The following ZBTB7C variants were observed in gnomAD, a reference collection of about 807,000 sequenced individuals.
ZBTB7C encodes the protein zinc finger and BTB domain-containing protein 7C.
A neutral mutation model predicts 25.7 loss-of-function variants in ZBTB7C; 8 were observed. The ratio of observed to expected loss-of-function variants is 0.31; its 90% CI spans 0.18 to 0.56. The LOEUF (loss-of-function observed/expected upper bound fraction) is 0.56, where lower values mean the gene tolerates loss of function less well. Ranked by LOEUF, ZBTB7C falls within the 20% of genes least tolerant of loss-of-function variation. ZBTB7C has a pLI of 0.91. For missense variants in ZBTB7C, 824 were observed against 855.2 expected, an observed-to-expected ratio of 0.96 and a Z score of 0.46; for synonymous variants, 394 against 369.0, an observed-to-expected ratio of 1.07 and a Z score of -0.78.
chr18:48,285,029 T>C (rs77376819), intron 2 of ZBTB7C, among the ~76,000 whole-genome samples: 7,584 of 152,320 alleles, frequency 0.05, 239 homozygotes, highest in Non-Finnish European at 0.071. Flanking sequence ...GTTGATTATT[T>C]GACACTTGCT....
Position 48,141,141 on chromosome 18 carries a change from GCAC to G in ZBTB7C, c.-17+44790_-17+44792del, listed in dbSNP as rs2040332481. ...GCAATCACAGATAGGCATCCCCCCC[GCAC>G]CACCCCCCCCACTGTTCCTTCTCCT... On this transcript the variant is annotated intron_variant, in intron 3 of 4. Transcript: ENST00000590800. Among the ~76,000 whole-genome samples, 82 of 88,330 alleles carry G rather than the reference GCAC, an allele frequency of 9.3e-4. 3 individuals carry two copies. In the East Asian group the frequency reaches 0.022, roughly 23 times the overall value. The allele number at this position is 88,330 out of a possible 152,430, so 57.9% of individuals were successfully genotyped here. A position where few individuals can be genotyped will look rare whatever the true frequency, so the allele number is the denominator to read the frequency against.
chr18:48,155,838 C>A (rs139405138), intron 3 of ZBTB7C, among the ~76,000 whole-genome samples: 119 of 152,238 alleles, frequency 7.8e-4, no homozygotes, highest in Middle Eastern at 3.4e-3. Flanking sequence ...ACTAGAAAAA[C>A]CAGATTTTTA....
intron 3 of ZBTB7C, among the ~76,000 whole-genome samples, chr18:48,094,130 C>T (rs1156422331): frequency 6.6e-6 from 1 of 152,170 alleles, no homozygotes; most frequent in East Asian, 1.9e-4. Flanking sequence ...ATTTAAATGG[C>T]CATTGCACTT....
chr18:48,349,516 G>T (rs573706451), intron 1 of ZBTB7C, among the ~76,000 whole-genome samples: 1 of 152,334 alleles, frequency 6.6e-6, no homozygotes, highest in South Asian at 2.1e-4. Context: ...GTGTGGTCTT[G>T]TGAGAGGAGG....
At chr18:48,098,687 G>A (rs563663449) in intron 3 of ZBTB7C, among the ~76,000 whole-genome samples, 1 of 152,162 alleles carries the variant, frequency 6.6e-6, no homozygotes, top group Non-Finnish European at 1.5e-5. Flanking sequence ...GCCTGTGATC[G>A]GGCATAAACC....
intron 2 of ZBTB7C, among the ~76,000 whole-genome samples, chr18:48,333,980 C>A (rs2046399992): frequency 1.3e-5 from 2 of 152,174 alleles, no homozygotes; most frequent in African/African-American, 2.4e-5. Flanking sequence ...CCACCTGCAC[C>A]TCCTGATCCT....
chr18:48,376,542 G>T (rs185417859), intron 1 of ZBTB7C, among the ~76,000 whole-genome samples: 2 of 152,188 alleles, frequency 1.3e-5, no homozygotes, highest in Admixed American at 6.5e-5. Context: ...TCACTCAGCC[G>T]GTGACATTCT....
intron 2 of ZBTB7C, among the ~76,000 whole-genome samples, chr18:48,221,534 TCTC>T (rs2042957632): frequency 6.7e-6 from 1 of 148,952 alleles, no homozygotes; most frequent in African/African-American, 2.5e-5. Flanking sequence ...TGTCACCTAG[TCTC>T]CTCTACACTG....
At chr18:48,159,414 A>G (rs1199582503) in intron 3 of ZBTB7C, among the ~76,000 whole-genome samples, 1 of 152,174 alleles carries the variant, frequency 6.6e-6, no homozygotes, top group Non-Finnish European at 1.5e-5. Context: ...TGGCACTTGG[A>G]AGGTGGCCCA....
intron 2 of ZBTB7C, among the ~76,000 whole-genome samples, chr18:48,259,158 C>A (rs113396107): frequency 0.011 from 1,654 of 152,270 alleles, 16 homozygotes; most frequent in South Asian, 0.039. Flanking sequence ...CCATGTTGCC[C>A]AGGCTGGCTT....
intron 3 of ZBTB7C, chr18:48,137,435 A>T: frequency 6.2e-6 from 3 of 485,934 alleles, no homozygotes; most frequent in Non-Finnish European, 8.0e-6. Context: ...CTCCTTCTCT[A>T]GTACTTCACA....
chr18:48,125,600 T>C (rs1049024509), intron 3 of ZBTB7C, among the ~76,000 whole-genome samples: 3 of 152,196 alleles, frequency 2.0e-5, no homozygotes, highest in African/African-American at 2.4e-5. Flanking sequence ...CATAACAATA[T>C]GATGGCTGGA....
chr18:48,263,649 G>A (rs766845848), intron 2 of ZBTB7C, among the ~76,000 whole-genome samples: 9 of 149,102 alleles, frequency 6.0e-5, no homozygotes, highest in Non-Finnish European at 1.0e-4. Context: ...TGGGAACTGT[G>A]TCTATTCATG....
intron 4 of ZBTB7C, among the ~76,000 whole-genome samples, chr18:48,031,809 A>G (rs8099419): frequency 0.51 from 77,359 of 152,124 alleles, 20,302 homozygotes; most frequent in African/African-American, 0.61. Flanking sequence ...AACTTGCCAA[A>G]CTCACCCAGA....
chr18:48,219,792 T>C (rs937300495), intron 2 of ZBTB7C, among the ~76,000 whole-genome samples: 1 of 152,142 alleles, frequency 6.6e-6, no homozygotes, highest in African/African-American at 2.4e-5. Context: ...AGGAGTGGAC[T>C]GAGTTGGTCA....
chr18:48,368,933 G>A (rs527699879), intron 1 of ZBTB7C, among the ~76,000 whole-genome samples: 104 of 152,276 alleles, frequency 6.8e-4, no homozygotes, highest in Non-Finnish European at 1.2e-3. Flanking sequence ...GGAGAAAAAC[G>A]GCTAAGGTAA....
intron 2 of ZBTB7C, among the ~76,000 whole-genome samples, chr18:48,277,093 C>T (rs2044682240): frequency 6.7e-6 from 1 of 149,034 alleles, no homozygotes; most frequent in Non-Finnish European, 1.5e-5. Flanking sequence ...TGGGCAAGGA[C>T]TTCATGTCCA....
rs139927620 is a variant in ZBTB7C, at chr18:48,140,242, G to A, written c.-17+45692C>T. On this transcript the variant is annotated intron_variant, in intron 3 of 4. Transcript: ENST00000590800. ...AACAGCTTTGTGCCCACAAGCACAC[G>A]CAGATACAGAGTGTCTGCACACACG... Among the ~76,000 whole-genome samples the A allele has an allele frequency of 1.1e-3, 174 of 152,338 alleles. 1 individual carries two copies. The highest frequency in any genetic ancestry group is 3.9e-3 in the African/African-American group (162 of 41,562).
At chr18:48,148,775 T>G (rs1053470079) in intron 3 of ZBTB7C, 1 of 152,222 alleles carries the variant, frequency 6.6e-6, no homozygotes, top group African/African-American at 2.4e-5. Flanking sequence ...TAAAAAGGCC[T>G]ATGTGATCGA....
Sources: allele counts gnomAD v4.1 joint callset (sites outside exome capture counted in the v4.1 genomes callset), GRCh38; gene constraint gnomAD v4.1.1; transcripts MANE v1.5; gene names NCBI Gene and HGNC (gene_info 2026-07-23, HGNC 2026-07-21).